The following LRRC8D variants were observed in gnomAD, a reference collection of about 807,000 sequenced individuals.
LRRC8D encodes leucine rich repeat containing 8 VRAC subunit D.
A neutral mutation model predicts 55.8 loss-of-function variants in LRRC8D; 20 were observed. The observed-to-expected ratio is 0.36, with a 90% confidence interval of 0.25 to 0.52. The LOEUF (loss-of-function observed/expected upper bound fraction) is 0.52. LRRC8D is among the 20% of genes least tolerant of loss of function. The pLI is 0.93. For missense variants in LRRC8D, 651 were observed against 1,030.8 expected, an observed-to-expected ratio of 0.63 and a Z score of 5.05; for synonymous variants, 352 against 377.0, an observed-to-expected ratio of 0.93 and a Z score of 0.77.
chr1:89,831,410 G>C (rs572084995), intron 1 of LRRC8D, among the ~76,000 whole-genome samples: 2 of 152,234 alleles, frequency 1.3e-5, no homozygotes, highest in African/African-American at 4.8e-5. Context: ...AGGAGGAATA[G>C]GTTTAGGGAG....
At chr1:89,866,880 T>TTA (rs201123113) in intron 2 of LRRC8D, among the ~76,000 whole-genome samples, 1,893 of 152,270 alleles carry the variant, frequency 0.012, 25 homozygotes, top group Non-Finnish European at 0.017. Flanking sequence ...ATCAATCAGA[T>TTA]AGATACTTAC....
intron 2 of LRRC8D, among the ~76,000 whole-genome samples, chr1:89,848,652 C>A (rs757404936): frequency 3.9e-5 from 6 of 151,996 alleles, no homozygotes; most frequent in Non-Finnish European, 8.8e-5. Context: ...ATCTCTAATC[C>A]TCCTGGTGTT....
intron 1 of LRRC8D, among the ~76,000 whole-genome samples, chr1:89,823,594 G>A (rs1224526186): frequency 5.9e-5 from 9 of 152,212 alleles, no homozygotes. Context: ...GTGGTAGCTT[G>A]TAAGAGATTT....
chr1:89,824,748 C>T (rs1379981957), intron 1 of LRRC8D, among the ~76,000 whole-genome samples: 3 of 152,078 alleles, frequency 2.0e-5, no homozygotes, highest in Admixed American at 6.6e-5. Context: ...TGTGGTTTCT[C>T]GATGTCTTCT....
At chr1:89,930,870 C>T (rs986935275) in intron 2 of LRRC8D, among the ~76,000 whole-genome samples, 8 of 151,664 alleles carry the variant, frequency 5.3e-5, no homozygotes, top group African/African-American at 1.7e-4. Flanking sequence ...TCCTGCTTAT[C>T]CAAGCCATTC....
chr1:89,886,525 A>G, intron 2 of LRRC8D, among the ~76,000 whole-genome samples: 1 of 152,200 alleles, frequency 6.6e-6, no homozygotes, highest in Non-Finnish European at 1.5e-5. Context: ...CATTTATTGT[A>G]AAGACAAGAA....
At chr1:89,932,750 T>C (rs182672817) in intron 2 of LRRC8D, among the ~76,000 whole-genome samples, 2 of 152,346 alleles carry the variant, frequency 1.3e-5, no homozygotes, top group Admixed American at 1.3e-4. Context: ...TCTTAACCTT[T>C]AATGAGTCCA....
At chr1:89,866,850 G>A (rs1321893256) in intron 2 of LRRC8D, among the ~76,000 whole-genome samples, 2 of 152,058 alleles carry the variant, frequency 1.3e-5, no homozygotes, top group Non-Finnish European at 2.9e-5. Flanking sequence ...AGTTAAGGGC[G>A]GCATGAGGAT....
At chr1:89,876,175 G>A (rs1662141802) in intron 2 of LRRC8D, among the ~76,000 whole-genome samples, 1 of 152,114 alleles carries the variant, frequency 6.6e-6, no homozygotes, top group Non-Finnish European at 1.5e-5. Flanking sequence ...CTTTCCTGGG[G>A]CTGAGGTTAA....
At chr1:89,862,831 A>G (rs1661755120) in intron 2 of LRRC8D, among the ~76,000 whole-genome samples, 3 of 152,210 alleles carry the variant, frequency 2.0e-5, no homozygotes, top group Non-Finnish European at 4.4e-5. Flanking sequence ...TTACTGTAAC[A>G]AATGATCCAA....
chr1:89,887,410 A>T (rs1662448043), intron 2 of LRRC8D, among the ~76,000 whole-genome samples: 1 of 152,192 alleles, frequency 6.6e-6, no homozygotes, highest in Non-Finnish European at 1.5e-5. Flanking sequence ...GATGCCTGGA[A>T]CTGAACTGAA....
intron 2 of LRRC8D, among the ~76,000 whole-genome samples, chr1:89,883,677 A>G (rs1662338648): frequency 6.6e-6 from 1 of 152,216 alleles, no homozygotes; most frequent in African/African-American, 2.4e-5. Flanking sequence ...AAGAAAAAAC[A>G]GGAGGGGCTA....
chr1:89,896,428 A>G (rs1325365717), intron 2 of LRRC8D, among the ~76,000 whole-genome samples: 1 of 152,186 alleles, frequency 6.6e-6, no homozygotes, highest in Non-Finnish European at 1.5e-5. Flanking sequence ...AGCAGGACCT[A>G]GAATGCAGAT....
At position 89,934,358 on chromosome 1, in the gene LRRC8D, T is replaced by C. The variant is rs1162563542; in HGVS notation, c.1290T>C (p.Tyr430=). ...TGGTAGACCAGTATGACCAGCTATA[T>C]TCCAAGCGTTTTGGTGTGTTCTTGT... ...LHMVDQYDQL[Y]SKRFGVFLSE... The change falls in exon 3 of 3, where the codon TAT becomes TAC. Residue 430 remains tyrosine (Y), a synonymous_variant. Transcript: ENST00000337338. This position sits in a 1 kb window ranked among gnomAD's most constrained non-coding sequence, Gnocchi z 5.9. 1 of 1,613,854 alleles carries C rather than the reference T, an allele frequency of 6.2e-7. No homozygotes were observed. The highest frequency in any genetic ancestry group is 1.1e-5 in the South Asian group (1 of 91,090).
intron 2 of LRRC8D, among the ~76,000 whole-genome samples, chr1:89,907,481 T>C (rs2100930864): frequency 6.6e-6 from 1 of 152,268 alleles, no homozygotes; most frequent in Admixed American, 6.5e-5. Context: ...CGAGCCACCA[T>C]GTCCGGCCAG....
In LRRC8D at chr1:89,879,706, C is replaced by T. The variant is rs114371611; in HGVS notation, c.-3+35924C>T. On this transcript the variant is annotated intron_variant, in intron 2 of 2. Coordinates refer to ENST00000337338, the MANE Select transcript of LRRC8D (RefSeq NM_001134479.2). ...ATGTTGTATAATCATTTCTTCCCTA[C>T]AAATTTATTTTAAAATTAATTAACA... is the stretch of plus-strand genomic sequence containing the variant. 9.3e-3 allele frequency among the ~76,000 whole-genome samples: 1,422 copies of T among 152,212 alleles called. 8 individuals are homozygous for T. Among genetic ancestry groups the T allele is most frequent in the Non-Finnish European group, 0.016 (1,094 of 68,002 alleles).
At chr1:89,852,750 C>G (rs1211419608) in intron 2 of LRRC8D, among the ~76,000 whole-genome samples, 1 of 152,082 alleles carries the variant, frequency 6.6e-6, no homozygotes, top group African/African-American at 2.4e-5. Context: ...GATCATTTAC[C>G]AGGCCGAGAT....
intron 2 of LRRC8D, among the ~76,000 whole-genome samples, chr1:89,847,034 A>G (rs1171743990): frequency 6.6e-6 from 1 of 152,176 alleles, no homozygotes; most frequent in Non-Finnish European, 1.5e-5. Flanking sequence ...AGAGGCTCAC[A>G]TTACAGAACA....
rs145190165 is a variant in LRRC8D, at chr1:89,847,884, A to G, written c.-3+4102A>G. 9.1e-4 allele frequency among the ~76,000 whole-genome samples: 138 copies of G among 152,352 alleles called. 5 individuals carry two copies. In the East Asian group the frequency reaches 0.023, roughly 26 times the overall value. ...TTCAGCATCTTCCTGTATTTGTAAAATAGCACTGCATGTATATATGAGGTA... is the reference window on the plus strand; with the variant it reads ...TTCAGCATCTTCCTGTATTTGTAAAGTAGCACTGCATGTATATATGAGGTA... On this transcript the variant is annotated intron_variant, in intron 2 of 2. Coordinates refer to ENST00000337338, the MANE Select transcript of LRRC8D (RefSeq NM_001134479.2).
Sources: gnomAD v4.1 joint callset for allele counts (sites outside exome capture counted in the v4.1 genomes callset) on GRCh38, gnomAD v4.1.1 for gene constraint, Gnocchi (gnomAD v3.1) non-coding constraint, MANE v1.5 for transcripts, NCBI Gene and HGNC (gene_info 2026-07-23, HGNC 2026-07-21) for gene names.